Variants in AOPEP observed in about 807,000 individuals in gnomAD.
AOPEP encodes the protein aminopeptidase O (putative).
A neutral mutation model predicts 98.1 loss-of-function variants in AOPEP; 77 were observed. The ratio of observed to expected loss-of-function variants is 0.78; its 90% CI spans 0.65 to 0.95. AOPEP has a LOEUF of 0.95. AOPEP is among the 40% of genes least tolerant of loss of function. AOPEP has a pLI of 0.00. For synonymous variants in AOPEP, 346 were observed against 365.3 expected, an observed-to-expected ratio of 0.95 and a Z score of 0.60; for missense variants, 1,024 against 1,024.7, an observed-to-expected ratio of 1.00 and a Z score of 0.01.
chr9:94,993,116 C>T (rs990285629), intron 11 of AOPEP, among the ~76,000 whole-genome samples: 10 of 152,164 alleles, frequency 6.6e-5, no homozygotes, highest in African/African-American at 1.7e-4. Context: ...ATCAATTATT[C>T]ATAGAGATTA....
At chr9:95,045,190 A>G (rs1007202872) in intron 13 of AOPEP, among the ~76,000 whole-genome samples, 4 of 152,208 alleles carry the variant, frequency 2.6e-5, no homozygotes, top group Non-Finnish European at 4.4e-5. Flanking sequence ...GCGTCTGCGA[A>G]ATCACTGTGC....
At chr9:94,732,722 C>T (rs563262892) in intron 1 of AOPEP, among the ~76,000 whole-genome samples, 1 of 152,292 alleles carries the variant, frequency 6.6e-6, no homozygotes, top group East Asian at 1.9e-4. Context: ...GGGTTGTTCT[C>T]TCCAGACCAT....
At chr9:94,880,807 G>T (rs569279022) in intron 5 of AOPEP, among the ~76,000 whole-genome samples, 1 of 152,194 alleles carries the variant, frequency 6.6e-6, no homozygotes, top group Non-Finnish European at 1.5e-5. Flanking sequence ...TTGAGGAAGA[G>T]TTCCCTTCTC....
chr9:95,012,075 T>A (rs2062572843), intron 13 of AOPEP, among the ~76,000 whole-genome samples: 1 of 152,188 alleles, frequency 6.6e-6, no homozygotes, highest in African/African-American at 2.4e-5. Context: ...TAAAGTAGTA[T>A]CACAACCAGC....
At chr9:94,854,441 C>T (rs2043936217) in intron 5 of AOPEP, among the ~76,000 whole-genome samples, 2 of 152,092 alleles carry the variant, frequency 1.3e-5, no homozygotes, top group African/African-American at 4.8e-5. Context: ...TAAGGCTGAA[C>T]ATTAAGATTT....
the AOPEP span, among the ~76,000 whole-genome samples, chr9:95,094,624 T>G: frequency 6.6e-6 from 1 of 152,222 alleles, no homozygotes; most frequent in African/African-American, 2.4e-5. Flanking sequence ...ACATAAAGTC[T>G]TCCAGGTTCC....
chr9:95,010,648 T>C (rs1365393373), intron 13 of AOPEP, among the ~76,000 whole-genome samples: 1 of 152,202 alleles, frequency 6.6e-6, no homozygotes, highest in Non-Finnish European at 1.5e-5. Context: ...AATAGCTTCA[T>C]TGATACTTGA....
At chr9:95,123,004 A>T in the AOPEP span, among the ~76,000 whole-genome samples, 2 of 152,122 alleles carry the variant, frequency 1.3e-5, no homozygotes, top group Non-Finnish European at 2.9e-5. Flanking sequence ...AAAATAAATC[A>T]CAAATATTTA....
the AOPEP span, among the ~76,000 whole-genome samples, chr9:95,131,331 A>G: frequency 3.3e-5 from 5 of 152,228 alleles, no homozygotes; most frequent in African/African-American, 1.2e-4. Context: ...GCTGGAAGAA[A>G]GCTCCTCAGC....
At chr9:94,805,803 G>A (rs1427377319) in intron 5 of AOPEP, among the ~76,000 whole-genome samples, 4 of 152,098 alleles carry the variant, frequency 2.6e-5, no homozygotes, top group East Asian at 1.9e-4. Flanking sequence ...CCCTCCTCCC[G>A]GGTTAGACAG....
Position 95,006,055 on chromosome 9 carries a change from C to G in AOPEP, c.2115+439C>G, listed in dbSNP as rs555490344. 10 of 472,624 alleles carry G rather than the reference C, an allele frequency of 2.1e-5. No individual in the cohort carries two copies. The East Asian group carries it at 6.2e-4, about 29-fold the overall frequency. The allele number at this position is 472,624 out of a possible 1,614,324, so 29.3% of individuals were successfully genotyped here. ...GAGAGAAGAAGAAAGAAGTGGATTA[C>G]TTTTAAAACACTAGGAGGAATTTTA... is the stretch of plus-strand genomic sequence containing the variant. On this transcript the variant is annotated intron_variant, in intron 13 of 16. Transcript: ENST00000375315.
chr9:95,037,647 G>T (rs572476241), intron 13 of AOPEP, among the ~76,000 whole-genome samples: 1 of 152,324 alleles, frequency 6.6e-6, no homozygotes, highest in East Asian at 1.9e-4. Flanking sequence ...GAGCATGTCA[G>T]GAGTAGGAAT....
chr9:94,829,449 G>T (rs1022098045), intron 5 of AOPEP, among the ~76,000 whole-genome samples: 1 of 152,136 alleles, frequency 6.6e-6, no homozygotes, highest in African/African-American at 2.4e-5. Flanking sequence ...TCTTGACAAA[G>T]AAATGTTTTG....
At chr9:95,042,432 A>T (rs1047970806) in intron 13 of AOPEP, among the ~76,000 whole-genome samples, 1 of 152,252 alleles carries the variant, frequency 6.6e-6, no homozygotes, top group South Asian at 2.1e-4. Context: ...GACATTGATT[A>T]TGAGGAACTT....
rs117146468 is a variant in AOPEP, at chr9:94,945,371, G to A, written c.1662-9806G>A. 6.8e-4 allele frequency among the ~76,000 whole-genome samples: 104 copies of A among 152,206 alleles called. 2 individuals are homozygous for A. Among genetic ancestry groups the A allele is most frequent in the Admixed American group, 1.4e-3 (21 of 15,302 alleles). ...CCATCAAACATTTGTTAACCATTGG[G>A]CGTCATCATGGTCATTTCTAGTTTT... On this transcript the variant is annotated intron_variant, in intron 7 of 16. Transcript: ENST00000375315.
intron 13 of AOPEP, among the ~76,000 whole-genome samples, chr9:95,033,338 T>C (rs2133403264): frequency 6.6e-6 from 1 of 152,284 alleles, no homozygotes; most frequent in South Asian, 2.1e-4. Flanking sequence ...TCTTACCCCC[T>C]AAAACCCCAA....
At chr9:94,905,549 T>A (rs1454878487) in intron 5 of AOPEP, among the ~76,000 whole-genome samples, 1 of 151,160 alleles carries the variant, frequency 6.6e-6, no homozygotes, top group Non-Finnish European at 1.5e-5. Flanking sequence ...TCTTCTGTCA[T>A]TTTTTTTTGT....
At chr9:95,111,635 G>C in the AOPEP span, 1 of 1,614,136 alleles carries the variant, frequency 6.2e-7, no homozygotes, top group South Asian at 1.1e-5. Context: ...ACCTCCGCAG[G>C]ACCTGGAACA....
At position 95,055,438 on chromosome 9, in the gene AOPEP, C is replaced by A. The variant is rs568278317; in HGVS notation, c.2116-5256C>A. Among the ~76,000 whole-genome samples, 25 of 152,280 alleles carry A rather than the reference C, an allele frequency of 1.6e-4. No individual in the cohort carries two copies. In the South Asian group the frequency reaches 4.6e-3, roughly 28 times the overall value. On this transcript the variant is annotated intron_variant, in intron 13 of 16. Transcript: ENST00000375315. ...ATTTTGCCTTATTGGCAAAAAGCAC[C>A]ATGTGAAAATTTATGCAGCGTATAG...
Sources: allele counts gnomAD v4.1 joint callset (sites outside exome capture counted in the v4.1 genomes callset), GRCh38; gene constraint gnomAD v4.1.1; transcripts MANE v1.5; gene names NCBI Gene and HGNC (gene_info 2026-07-23, HGNC 2026-07-21).